The following ZNF678 variants were observed in gnomAD, a reference collection of about 807,000 sequenced individuals.
ZNF678 encodes zinc finger protein 678.
In ZNF678, 5 loss-of-function variants were observed where a neutral mutation model predicts 3.0. The observed-to-expected ratio is 1.69, with a 90% CI of 0.88 to 3.56. The LOEUF (loss-of-function observed/expected upper bound fraction) is 3.56, where lower values mean the gene tolerates loss of function less well. Among genes scored for constraint, ZNF678 ranks in the 30% most tolerant of loss-of-function variants. ZNF678 has a pLI of 0.00. For missense variants in ZNF678, 593 were observed against 605.0 expected (o/e 0.98, Z 0.21); for synonymous variants, 218 against 199.6 (o/e 1.09, Z -0.78).
intron 1 of ZNF678, among the ~76,000 whole-genome samples, chr1:227,571,906 G>C (rs1656854089): frequency 6.6e-6 from 1 of 152,222 alleles, no homozygotes. Flanking sequence ...GCTGGATGTG[G>C]TGGCGGGTGC....
intron 1 of ZNF678, among the ~76,000 whole-genome samples, chr1:227,586,975 G>A (rs533912496): frequency 1.4e-4 from 22 of 152,300 alleles, no homozygotes; most frequent in African/African-American, 3.1e-4. Flanking sequence ...GCACCTAAAT[G>A]GCAGGATGAG....
chr1:227,628,954 G>A (rs368585961), intron 1 of ZNF678, among the ~76,000 whole-genome samples: 10 of 152,314 alleles, frequency 6.6e-5, no homozygotes, highest in Admixed American at 3.3e-4. Context: ...TAAGGTCCAG[G>A]ACTGTAAACC....
At chr1:227,606,404 A>G (rs1657872429) in intron 1 of ZNF678, among the ~76,000 whole-genome samples, 1 of 152,206 alleles carries the variant, frequency 6.6e-6, no homozygotes, top group African/African-American at 2.4e-5. Flanking sequence ...TGTAGCAAAG[A>G]GTAACAGAGC....
chr1:227,675,500 T>C (rs1659664319), intron 5 of ZNF678, among the ~76,000 whole-genome samples: 1 of 152,234 alleles, frequency 6.6e-6, no homozygotes, highest in South Asian at 2.1e-4. Flanking sequence ...CAAAATGAAC[T>C]ATTTCTAAAT....
chr1:227,591,756 TC>T (rs1459024219), intron 1 of ZNF678, among the ~76,000 whole-genome samples: 6 of 152,124 alleles, frequency 3.9e-5, no homozygotes, highest in Non-Finnish European at 7.4e-5. Flanking sequence ...TTTTTAGAGT[TC>T]CAGTACACTT....
At chr1:227,641,974 A>T (rs1171657190) in intron 1 of ZNF678, among the ~76,000 whole-genome samples, 2 of 152,164 alleles carry the variant, frequency 1.3e-5, no homozygotes, top group East Asian at 3.9e-4. Context: ...TGCCCCTCAA[A>T]GACCTAAATC....
chr1:227,566,596 G>A (rs1031497196), intron 1 of ZNF678, among the ~76,000 whole-genome samples: 4 of 152,132 alleles, frequency 2.6e-5, no homozygotes, highest in African/African-American at 7.2e-5. Context: ...CGCTTGAGTC[G>A]GATGTGTCTG....
chr1:227,674,475 A>C (rs1659649087), intron 5 of ZNF678, among the ~76,000 whole-genome samples: 1 of 152,172 alleles, frequency 6.6e-6, no homozygotes, highest in Admixed American at 6.5e-5. Context: ...AGATTGAAAC[A>C]GGTATATATA....
intron 1 of ZNF678, among the ~76,000 whole-genome samples, chr1:227,584,901 C>T (rs573071774): frequency 3.9e-4 from 59 of 152,298 alleles, no homozygotes; most frequent in African/African-American, 1.4e-3. Flanking sequence ...ATGAAGTGTT[C>T]TTGCTAAACT....
chr1:227,594,932 C>A (rs1657522907), intron 1 of ZNF678, among the ~76,000 whole-genome samples: 1 of 151,990 alleles, frequency 6.6e-6, no homozygotes, highest in African/African-American at 2.4e-5. Context: ...TACTGTTTTT[C>A]TGTTAGCAAA....
chr1:227,614,164 C>G (rs376261259), intron 1 of ZNF678, among the ~76,000 whole-genome samples: 155 of 152,308 alleles, frequency 1.0e-3, no homozygotes, highest in African/African-American at 3.6e-3. Context: ...TGGGCTGACT[C>G]AGAGTCCTAT....
At chr1:227,654,296 A>G (rs1659158152) in intron 3 of ZNF678, 40 bp from the exon 4 acceptor site, 2 of 1,422,884 alleles carry the variant, frequency 1.4e-6, no homozygotes, top group South Asian at 3.2e-5. Flanking sequence ...TTTACTGGAG[A>G]TTAGTAAGAA....
At chr1:227,566,933 C>T (rs1239123440) in intron 1 of ZNF678, among the ~76,000 whole-genome samples, 5 of 152,100 alleles carry the variant, frequency 3.3e-5, no homozygotes, top group Non-Finnish European at 4.4e-5. Context: ...AAATAGGAAA[C>T]GTCTCTTTTT....
At chr1:227,632,844 G>A (rs867072056) in intron 1 of ZNF678, among the ~76,000 whole-genome samples, 7 of 152,044 alleles carry the variant, frequency 4.6e-5, no homozygotes, top group African/African-American at 9.7e-5. Context: ...AGATGGTGGC[G>A]GGCCGCTCCC....
chr1:227,620,709 T>C (rs1432761779), intron 1 of ZNF678, among the ~76,000 whole-genome samples: 1 of 152,204 alleles, frequency 6.6e-6, no homozygotes, highest in Non-Finnish European at 1.5e-5. Flanking sequence ...CTCATTGGTT[T>C]TCAAAAATAA....
intron 1 of ZNF678, among the ~76,000 whole-genome samples, chr1:227,602,148 T>G (rs1371041900): frequency 1.3e-5 from 2 of 152,178 alleles, no homozygotes; most frequent in Non-Finnish European, 2.9e-5. Flanking sequence ...CTGCTGGTTT[T>G]CAATAACAAA....
intron 1 of ZNF678, among the ~76,000 whole-genome samples, chr1:227,633,947 GTCTCCAAAAAGAGACCCCTT>G (rs1224716126): frequency 2.0e-5 from 3 of 152,178 alleles, no homozygotes; most frequent in African/African-American, 7.2e-5. Context: ...CACAGCTCAT[GTCTCCAAAAAGAGACCCCTT>G]CCTTCCACTT....
intron 1 of ZNF678, among the ~76,000 whole-genome samples, chr1:227,572,806 T>C (rs1337799917): frequency 6.6e-6 from 1 of 152,192 alleles, no homozygotes; most frequent in Non-Finnish European, 1.5e-5. Flanking sequence ...GGAGTCTTCA[T>C]GTGAGAGTTC....
At chr1:227,593,248 A>G (rs189125613) in intron 1 of ZNF678, among the ~76,000 whole-genome samples, 6 of 152,330 alleles carry the variant, frequency 3.9e-5, no homozygotes, top group African/African-American at 1.2e-4. Context: ...AAGTATAACA[A>G]TTGCCTTTGT....
Sources: allele counts gnomAD v4.1 joint callset (sites outside exome capture counted in the v4.1 genomes callset), GRCh38; gene constraint gnomAD v4.1.1; transcripts MANE v1.5; gene names NCBI Gene and HGNC (gene_info 2026-07-23, HGNC 2026-07-21).